Variants in SENP6 observed in about 807,000 individuals in gnomAD.
SENP6 encodes the protein sentrin-specific protease 6.
In SENP6, 41 loss-of-function variants were observed where a neutral mutation model predicts 134.5. The ratio of observed to expected loss-of-function variants is 0.30; its 90% CI spans 0.24 to 0.40. The LOEUF (loss-of-function observed/expected upper bound fraction) is 0.40. SENP6 is among the 10% of genes least tolerant of loss of function. The pLI is 1.00. For synonymous variants in SENP6, 395 were observed against 429.8 expected, an observed-to-expected ratio of 0.92 and a Z score of 1.00; for missense variants, 1,248 against 1,312.5, an observed-to-expected ratio of 0.95 and a Z score of 0.76.
chr6:75,608,567 A>G (rs1369111233), intron 1 of SENP6, among the ~76,000 whole-genome samples: 3 of 152,102 alleles, frequency 2.0e-5, no homozygotes, highest in Admixed American at 1.3e-4. Context: ...AAGGAAGGAG[A>G]AAAGAAAGTG....
chr6:75,621,084 C>A (rs573885391), intron 1 of SENP6, among the ~76,000 whole-genome samples: 1 of 152,292 alleles, frequency 6.6e-6, no homozygotes, highest in Non-Finnish European at 1.5e-5. Context: ...ATTGCCAAAA[C>A]CGAAAACGTT....
intron 16 of SENP6, chr6:75,679,923 G>T (rs949271012): frequency 6.6e-6 from 1 of 152,138 alleles, no homozygotes; most frequent in Admixed American, 6.6e-5. Flanking sequence ...ACTCAGTTTG[G>T]TGGGAAAACA....
At chr6:75,608,126 A>G (rs1403592548) in intron 1 of SENP6, among the ~76,000 whole-genome samples, 2 of 152,136 alleles carry the variant, frequency 1.3e-5, no homozygotes, top group Non-Finnish European at 2.9e-5. Context: ...GAGTTCATGT[A>G]CTTGAAACAG....
intron 7 of SENP6, among the ~76,000 whole-genome samples, chr6:75,658,439 A>G (rs551795647): frequency 6.6e-6 from 1 of 152,224 alleles, no homozygotes; most frequent in Non-Finnish European, 1.5e-5. Flanking sequence ...TGTGCAGGTT[A>G]TTTTGGTTTA....
intron 21 of SENP6, among the ~76,000 whole-genome samples, chr6:75,711,911 G>C (rs1219547601): frequency 6.6e-6 from 1 of 152,212 alleles, no homozygotes; most frequent in East Asian, 1.9e-4. Flanking sequence ...GGCCTCAAGT[G>C]ATCCGCCCCT....
At position 75,621,615 on chromosome 6, in the gene SENP6, AC is replaced by A. The variant is rs1228645122; in HGVS notation, c.137del (p.Thr46LysfsTer25). Reference protein sequence around the residue: ...FDHEEESEGDTDKDGTNLLSV... With the variant: ...FDHEEESEGDXDKDGTNLLSV... ...TCATGAAGAAGAAAGTGAAGGAGAT[AC>A]AGATAAAGAGTAAGGATTTTTTTTT... On this transcript the variant is annotated frameshift_variant, in exon 2 of 24. Transcript: ENST00000447266. LOFTEE classifies it high-confidence loss of function. The A allele has an allele frequency of 6.3e-7, 1 of 1,591,032 alleles. No individual in the cohort carries two copies. Among genetic ancestry groups the A allele is most frequent in the Non-Finnish European group, 8.6e-7 (1 of 1,160,948 alleles).
Position 75,663,584 on chromosome 6 carries a change from A to G in SENP6, c.994+66A>G, listed in dbSNP as rs936166942. 1.3e-5 allele frequency: 16 copies of G among 1,197,610 alleles called. No individual in the cohort carries two copies. In the African/African-American group the frequency reaches 1.4e-4, roughly 10 times the overall value. 74.2% of individuals were successfully genotyped at this position (1,197,610 alleles called of 1,614,324 possible). A position where few individuals can be genotyped will look rare whatever the true frequency, so the allele number is the denominator to read the frequency against. On this transcript the variant is annotated intron_variant, in intron 9 of 23. Coordinates refer to ENST00000447266, the MANE Select transcript of SENP6 (RefSeq NM_015571.4). ...AGTATTTTTCAGATATATTTTTACA[A>G]CCACTCTCCCCAACCCCATATATAT...
chr6:75,708,535 G>A (rs1338439640), intron 19 of SENP6, among the ~76,000 whole-genome samples: 1 of 152,088 alleles, frequency 6.6e-6, no homozygotes, highest in African/African-American at 2.4e-5. Context: ...AGGTTACAGC[G>A]AGTTCTGATT....
In SENP6 at chr6:75,648,537, G is replaced by A. The variant is rs562258485; in HGVS notation, c.550+736G>A. Among the ~76,000 whole-genome samples, 41 of 152,116 alleles carry A rather than the reference G, an allele frequency of 2.7e-4. 1 individual carries two copies. In the Middle Eastern group the frequency reaches 0.014, roughly 50 times the overall value. ...CCACATTTTTTTTTCTACTTTGGGT[G>A]AAAATCTTTTGTGCATGTATTGAAC... On this transcript the variant is annotated intron_variant, in intron 7 of 23. Transcript: ENST00000447266.
rs1367930361 is a variant in SENP6 at position 75,603,162 on chromosome 6, T to C, written c.52+586T>C. 3.3e-5 allele frequency among the ~76,000 whole-genome samples: 5 copies of C among 152,294 alleles called. No homozygotes were observed. In the East Asian group the frequency reaches 7.7e-4, roughly 23 times the overall value. ...AATTTATCTGGAAAAAGAGTAAGGT[T>C]TACAGTGTCAATTTTGGGGCCGTAA... On this transcript the variant is annotated intron_variant, in intron 1 of 23. Coordinates refer to ENST00000447266, the MANE Select transcript of SENP6 (RefSeq NM_015571.4).
intron 18 of SENP6, among the ~76,000 whole-genome samples, chr6:75,700,791 A>C (rs1399467675): frequency 6.6e-6 from 1 of 152,156 alleles, no homozygotes; most frequent in Non-Finnish European, 1.5e-5. Flanking sequence ...CGTGCCCGGC[A>C]TCATCAATTT....
Position 75,633,519 on chromosome 6 carries a change from G to C in SENP6, c.208-62G>C, listed in dbSNP as rs1046529535. On this transcript the variant is annotated intron_variant, in intron 3 of 23. Coordinates refer to ENST00000447266, the MANE Select transcript of SENP6 (RefSeq NM_015571.4). The stretch of plus-strand genomic sequence containing the variant: ...ACTACTTTTAAATGGTTTTCAAATA[G>C]TTGTTGATAGATTGTCACATTATAG... 1.4e-5 allele frequency: 20 copies of C among 1,381,766 alleles called. No individual in the cohort carries two copies. In the Admixed American group the frequency reaches 4.6e-4, roughly 32 times the overall value. 85.6% of individuals were successfully genotyped at this position (1,381,766 alleles called of 1,614,324 possible).
intron 8 of SENP6, among the ~76,000 whole-genome samples, chr6:75,660,372 A>G (rs1771678873): frequency 6.6e-6 from 1 of 152,242 alleles, no homozygotes; most frequent in South Asian, 2.1e-4. Flanking sequence ...AACATGAGCT[A>G]GAAGTATTTC....
Position 75,633,566 on chromosome 6 carries a change from G to A in SENP6, c.208-15G>A. The A allele has an allele frequency of 1.3e-6, 2 of 1,575,696 alleles. No individual in the cohort carries two copies. Among genetic ancestry groups the A allele is most frequent in the Non-Finnish European group, 1.7e-6 (2 of 1,165,654 alleles). On this transcript the variant is annotated splice_polypyrimidine_tract_variant and intron_variant, in intron 3 of 23. Coordinates refer to ENST00000447266, the MANE Select transcript of SENP6 (RefSeq NM_015571.4). ...ATAGCATTTTTGACTCATATTTCTG[G>A]ATCTTTTTTTACAGTTAAATCGTCG... is the stretch of plus-strand genomic sequence containing the variant.
intron 8 of SENP6, among the ~76,000 whole-genome samples, chr6:75,661,644 A>G (rs1032784772): frequency 1.3e-5 from 2 of 152,252 alleles, no homozygotes; most frequent in African/African-American, 2.4e-5. Flanking sequence ...TAGTGGAGAT[A>G]AAGAATTGTA....
At chr6:75,701,969 T>C (rs767734143) in intron 18 of SENP6, among the ~76,000 whole-genome samples, 2 of 152,044 alleles carry the variant, frequency 1.3e-5, no homozygotes, top group Non-Finnish European at 2.9e-5. Context: ...TGGATAGCTT[T>C]CCATCTTTTT....
chr6:75,602,395 C>G lies in SENP6; in HGVS notation c.-130C>G. ...CCCGTCTGAACGTGGGAGCGCAGCC[C>G]GCCTGACGGCTGAGCCCGAGGCCCG... On this transcript the variant is annotated 5_prime_UTR_variant, in exon 1 of 24. Coordinates refer to ENST00000447266, the MANE Select transcript of SENP6 (RefSeq NM_015571.4). The G allele has an allele frequency of 9.2e-7, 1 of 1,081,584 alleles. No individual in the cohort carries two copies. Among genetic ancestry groups the G allele is most frequent in the Non-Finnish European group, 1.3e-6 (1 of 746,978 alleles). The allele number at this position is 1,081,584 out of a possible 1,614,324, so 67.0% of individuals were successfully genotyped here.
chr6:75,702,141 T>C (rs1017794129), intron 18 of SENP6, among the ~76,000 whole-genome samples: 1 of 151,670 alleles, frequency 6.6e-6, no homozygotes, highest in Non-Finnish European at 1.5e-5. Context: ...TATTTTTGAA[T>C]AGACATTGTG....
In SENP6 at chr6:75,715,642, C is replaced by T; in HGVS notation, c.*48C>T. ...CTACTTTCAGAAACTAAATGACTTT[C>T]AAATTTGGGTATAGACAATAAAGAA... On this transcript the variant is annotated 3_prime_UTR_variant, in exon 24 of 24. Transcript: ENST00000447266. The T allele has an allele frequency of 9.6e-6, 14 of 1,452,924 alleles. No individual in the cohort carries two copies. The highest frequency in any genetic ancestry group is 1.3e-5 in the Non-Finnish European group (14 of 1,048,436). 90.0% of individuals were successfully genotyped at this position (1,452,924 alleles called of 1,614,324 possible).
Sources: gnomAD v4.1 joint callset for allele counts (sites outside exome capture counted in the v4.1 genomes callset) on GRCh38, gnomAD v4.1.1 for gene constraint, MANE v1.5 for transcripts, NCBI Gene and HGNC (gene_info 2026-07-23, HGNC 2026-07-21) for gene names.